Variants in CCDC102B observed in about 807,000 individuals in gnomAD.
The protein encoded by CCDC102B is coiled-coil domain-containing protein 102B.
Under a neutral mutation model 57.4 loss-of-function variants are expected in CCDC102B, and 75 were observed. The observed-to-expected ratio is 1.31, with a 90% CI of 1.08 to 1.58. The LOEUF (loss-of-function observed/expected upper bound fraction) is 1.58, where lower values mean the gene tolerates loss of function less well. Ranked by LOEUF, CCDC102B falls within the 40% of genes most tolerant of loss-of-function variation. The pLI, the probability that CCDC102B is intolerant of heterozygous loss-of-function variation, is 0.00. For synonymous variants in CCDC102B, 206 were observed against 201.9 expected (o/e 1.02, Z -0.17); for missense variants, 636 against 582.6 (o/e 1.09, Z -0.94).
intron 2 of CCDC102B, among the ~76,000 whole-genome samples, chr18:68,723,662 A>G (rs2032461066): frequency 6.6e-6 from 1 of 152,238 alleles, no homozygotes; most frequent in Non-Finnish European, 1.5e-5. Context: ...CATCCAGGGC[A>G]CACTGATGCA....
At chr18:68,834,708 TA>T (rs2037291952) in intron 1 of CCDC102B, among the ~76,000 whole-genome samples, 1 of 151,728 alleles carries the variant, frequency 6.6e-6, no homozygotes, top group Non-Finnish European at 1.5e-5. Context: ...TAACACTTGT[TA>T]AAATGTTTTT....
intron 7 of CCDC102B, among the ~76,000 whole-genome samples, chr18:69,043,170 T>A (rs966929689): frequency 1.3e-5 from 2 of 152,134 alleles, no homozygotes; most frequent in Non-Finnish European, 2.9e-5. Flanking sequence ...CTTTTAGATA[T>A]GCATACACAT....
intron 4 of CCDC102B, among the ~76,000 whole-genome samples, chr18:68,857,831 A>T (rs2144866719): frequency 6.6e-6 from 1 of 152,178 alleles, no homozygotes; most frequent in East Asian, 1.9e-4. Context: ...AATGGTGCAC[A>T]TTATCCTTTT....
At chr18:68,884,059 G>A (rs1471070994) in intron 5 of CCDC102B, among the ~76,000 whole-genome samples, 11 of 152,166 alleles carry the variant, frequency 7.2e-5, no homozygotes, top group Admixed American at 7.2e-4. Context: ...CTCATACACT[G>A]TTGGTGGGAA....
chr18:68,999,571 A>G (rs896754353), intron 6 of CCDC102B, among the ~76,000 whole-genome samples: 1 of 151,936 alleles, frequency 6.6e-6, no homozygotes, highest in African/African-American at 2.4e-5. Context: ...GTGCCACTGC[A>G]CTCCAGCCTG....
intron 2 of CCDC102B, among the ~76,000 whole-genome samples, chr18:68,719,715 C>G (rs2032223143): frequency 6.6e-6 from 1 of 152,174 alleles, no homozygotes; most frequent in South Asian, 2.1e-4. Flanking sequence ...GTTTTACTAG[C>G]TATGTGGGCA....
At chr18:68,897,180 A>T in intron 5 of CCDC102B, 39 bp from the exon 6 acceptor site, 1 of 1,545,608 alleles carries the variant, frequency 6.5e-7, no homozygotes, top group Non-Finnish European at 8.8e-7. Context: ...TGGCAATTGC[A>T]AATGCTGCAT....
intron 6 of CCDC102B, among the ~76,000 whole-genome samples, chr18:68,955,977 C>G (rs1316124318): frequency 1.3e-5 from 2 of 151,852 alleles, no homozygotes; most frequent in Non-Finnish European, 2.9e-5. Context: ...ACTGCAGTCA[C>G]CCTTTTGTGC....
intron 6 of CCDC102B, among the ~76,000 whole-genome samples, chr18:68,981,157 A>G (rs1317557512): frequency 6.6e-6 from 1 of 152,048 alleles, no homozygotes; most frequent in African/African-American, 2.4e-5. Context: ...TATTTTGTGA[A>G]TTAAAACTTA....
intron 7 of CCDC102B, among the ~76,000 whole-genome samples, chr18:69,034,405 G>C (rs1430726424): frequency 6.6e-6 from 1 of 151,780 alleles, no homozygotes; most frequent in Non-Finnish European, 1.5e-5. Context: ...TAAAGTGCAG[G>C]TTCAACTTCA....
chr18:68,817,930 G>A (rs2036547484), intron 1 of CCDC102B, among the ~76,000 whole-genome samples: 1 of 152,106 alleles, frequency 6.6e-6, no homozygotes, highest in African/African-American at 2.4e-5. Context: ...ACTAAAGCAT[G>A]AATCAACTAG....
At chr18:68,909,183 GAA>G (rs5825884) in intron 6 of CCDC102B, among the ~76,000 whole-genome samples, 16 of 150,102 alleles carry the variant, frequency 1.1e-4, no homozygotes, top group African/African-American at 3.2e-4. Flanking sequence ...GGGAGGAAGG[GAA>G]AAAAAAAGCA....
chr18:68,998,407 CATATATATAGTATATATATAATATATT>C (rs2051092415), intron 6 of CCDC102B, among the ~76,000 whole-genome samples: 1 of 120,488 alleles, frequency 8.3e-6, no homozygotes, highest in Non-Finnish European at 1.7e-5. Flanking sequence ...ACATCTACTA[CATATATATAGTATATATATAATATATT>C]ATATATATAT....
At chr18:68,917,932 A>G (rs2145097343) in intron 6 of CCDC102B, among the ~76,000 whole-genome samples, 1 of 152,318 alleles carries the variant, frequency 6.6e-6, no homozygotes, top group East Asian at 1.9e-4. Context: ...AATGTGCTAC[A>G]TAATATACCT....
intron 6 of CCDC102B, among the ~76,000 whole-genome samples, chr18:68,960,796 G>A (rs1398949645): frequency 6.6e-6 from 1 of 152,140 alleles, no homozygotes; most frequent in Admixed American, 6.6e-5. Flanking sequence ...GGAAAGCACT[G>A]AGTTCCAATG....
At chr18:68,885,205 G>A (rs947274586) in intron 5 of CCDC102B, among the ~76,000 whole-genome samples, 9 of 152,000 alleles carry the variant, frequency 5.9e-5, no homozygotes, top group South Asian at 2.1e-4. Context: ...ATTTGGAGTT[G>A]AAAGTTGAAT....
chr18:69,009,573 T>G (rs1163832776), intron 6 of CCDC102B, among the ~76,000 whole-genome samples: 1 of 152,168 alleles, frequency 6.6e-6, no homozygotes, highest in Non-Finnish European at 1.5e-5. Context: ...ATCTCATGAT[T>G]TGGGATCATA....
intron 3 of CCDC102B, among the ~76,000 whole-genome samples, chr18:68,841,750 T>C (rs775430514): frequency 1.6e-4 from 25 of 152,168 alleles, no homozygotes; most frequent in Non-Finnish European, 3.1e-4. Context: ...TTCTTTACTT[T>C]TTGAGACAGT....
At chr18:68,742,675 T>C (rs1414624722) in intron 2 of CCDC102B, among the ~76,000 whole-genome samples, 1 of 152,240 alleles carries the variant, frequency 6.6e-6, no homozygotes, top group Non-Finnish European at 1.5e-5. Flanking sequence ...TTTCTCCATT[T>C]ATCCTTCTTC....
Sources: allele counts gnomAD v4.1 joint callset (sites outside exome capture counted in the v4.1 genomes callset), GRCh38; gene constraint gnomAD v4.1.1; transcripts MANE v1.5; gene names NCBI Gene and HGNC (gene_info 2026-07-23, HGNC 2026-07-21).